FRMD5: variants seen among roughly 807,000 people sequenced by gnomAD.
The protein encoded by FRMD5 is FERM domain-containing protein 5.
In FRMD5, 20 loss-of-function variants were observed where a neutral mutation model predicts 69.0. That is an observed-to-expected ratio of 0.29 (90% CI 0.20 to 0.42). The LOEUF (loss-of-function observed/expected upper bound fraction) is 0.42, where lower values mean the gene tolerates loss of function less well. Among genes scored for constraint, FRMD5 ranks in the 10% least tolerant of loss-of-function variants. The pLI is 1.00. For synonymous variants in FRMD5, 271 were observed against 260.1 expected, an observed-to-expected ratio of 1.04 and a Z score of -0.40; for missense variants, 595 against 708.6, an observed-to-expected ratio of 0.84 and a Z score of 1.82.
intron 1 of FRMD5, among the ~76,000 whole-genome samples, chr15:43,930,478 T>C (rs2089655577): frequency 6.6e-6 from 1 of 152,194 alleles, no homozygotes; most frequent in Non-Finnish European, 1.5e-5. Flanking sequence ...TAGACTACAA[T>C]GCCAGGAGGC....
At chr15:44,140,078 T>C (rs1188800765) in intron 1 of FRMD5, among the ~76,000 whole-genome samples, 1 of 152,052 alleles carries the variant, frequency 6.6e-6, no homozygotes. Context: ...TACATATATG[T>C]GTGTATACAT....
At chr15:44,187,425 T>C (rs1382431701) in intron 1 of FRMD5, among the ~76,000 whole-genome samples, 2 of 152,220 alleles carry the variant, frequency 1.3e-5, no homozygotes, top group South Asian at 2.1e-4. Flanking sequence ...TTGACTCAAC[T>C]ATACCAGAGT....
At chr15:43,907,405 T>G (rs756247402) in intron 5 of FRMD5, among the ~76,000 whole-genome samples, 4 of 152,170 alleles carry the variant, frequency 2.6e-5, no homozygotes, top group Admixed American at 6.5e-5. Context: ...AGGGTCTCAC[T>G]GTCATGCACG....
chr15:44,090,719 C>T (rs1231075217), intron 1 of FRMD5, among the ~76,000 whole-genome samples: 8 of 152,262 alleles, frequency 5.3e-5, no homozygotes, highest in Non-Finnish European at 1.0e-4. Context: ...GGATTATAGG[C>T]GTGAGCCACT....
intron 1 of FRMD5, among the ~76,000 whole-genome samples, chr15:44,088,486 G>T (rs1294503981): frequency 6.6e-6 from 1 of 152,134 alleles, no homozygotes; most frequent in Admixed American, 6.6e-5. Context: ...TTAGAAAAGA[G>T]AAATGATGCC....
Position 43,871,483 on chromosome 15 carries a change from A to G in FRMD5, c.*2402T>C, listed in dbSNP as rs919163278. Reference sequence around the variant, plus strand: ...GCACTACACTAAAAGGTAATCTTCTATGTTGCATAAGACAGTAGATACCAG... The same window carrying G: ...GCACTACACTAAAAGGTAATCTTCTGTGTTGCATAAGACAGTAGATACCAG... On this transcript the variant is annotated 3_prime_UTR_variant, in exon 14 of 14. Transcript: ENST00000417257. 2.6e-5 allele frequency: 4 copies of G among 152,218 alleles called. No homozygotes were observed. Among genetic ancestry groups the G allele is most frequent in the East Asian group, 1.9e-4 (1 of 5,200 alleles). 9.4% of individuals were successfully genotyped at this position (152,218 alleles called of 1,614,324 possible). A position where few individuals can be genotyped will look rare whatever the true frequency, so the allele number is the denominator to read the frequency against.
rs1215279312 is a variant in FRMD5 at position 43,871,523 on chromosome 15, CCT to C, written c.*2360_*2361del. ...GTAGATACCAGGTGGACACCAGCCC[CCT>C]GTCTCCTGACAGCCTTTTCATCTCT... On this transcript the variant is annotated 3_prime_UTR_variant, in exon 14 of 14. Transcript: ENST00000417257. 6 of 152,352 alleles carry C rather than the reference CCT, an allele frequency of 3.9e-5. No homozygotes were observed. Among genetic ancestry groups the C allele is most frequent in the Non-Finnish European group, 5.9e-5 (4 of 68,044 alleles). The allele number at this position is 152,352 out of a possible 1,614,324, so 9.4% of individuals were successfully genotyped here.
chr15:44,135,707 C>G (rs1435425418), intron 1 of FRMD5, among the ~76,000 whole-genome samples: 1 of 151,740 alleles, frequency 6.6e-6, no homozygotes, highest in African/African-American at 2.4e-5. Flanking sequence ...CACCTGTAGT[C>G]CCAGCTACTC....
At chr15:44,076,565 T>C (rs181108116) in intron 1 of FRMD5, among the ~76,000 whole-genome samples, 28 of 147,214 alleles carry the variant, frequency 1.9e-4, no homozygotes, top group Non-Finnish European at 3.0e-4. Context: ...TAGGTGGGAA[T>C]TGAACTATGA....
chr15:44,070,513 C>T (rs1595691722), intron 1 of FRMD5, among the ~76,000 whole-genome samples: 1 of 152,154 alleles, frequency 6.6e-6, no homozygotes, highest in East Asian at 1.9e-4. Flanking sequence ...GCAAAACTAC[C>T]TCCAGATTTG....
chr15:44,121,909 C>T (rs1595488989), intron 1 of FRMD5, among the ~76,000 whole-genome samples: 1 of 148,070 alleles, frequency 6.8e-6, no homozygotes, highest in Non-Finnish European at 1.5e-5. Context: ...ACAGGAGAAT[C>T]GCTTGAACCT....
chr15:44,060,898 T>C lies in FRMD5; in HGVS notation c.102+134055A>G, dbSNP rs146143550. On this transcript the variant is annotated intron_variant, in intron 1 of 13. Coordinates refer to ENST00000417257, the MANE Select transcript of FRMD5 (RefSeq NM_032892.5). ...GCAAACATTTTATATCCCTTAAAAA[T>C]ATATAGGCTCAGTGAACAGGAGGAA... Among the ~76,000 whole-genome samples the C allele has an allele frequency of 3.2e-4, 49 of 152,294 alleles. 1 individual carries two copies. The highest frequency in any genetic ancestry group is 1.2e-3 in the African/African-American group (49 of 41,566).
At chr15:43,970,739 C>T (rs1321377647) in intron 1 of FRMD5, among the ~76,000 whole-genome samples, 1 of 152,194 alleles carries the variant, frequency 6.6e-6, no homozygotes, top group Non-Finnish European at 1.5e-5. Flanking sequence ...AGGCGTGAGC[C>T]ACCGTACCTG....
intron 1 of FRMD5, among the ~76,000 whole-genome samples, chr15:44,136,292 G>A (rs1406671831): frequency 6.6e-6 from 1 of 152,166 alleles, no homozygotes; most frequent in Non-Finnish European, 1.5e-5. Context: ...CCAAAGTGCT[G>A]AGATTACAGG....
chr15:43,901,806 A>G (rs1468086939), intron 7 of FRMD5: 1 of 220,222 alleles, frequency 4.5e-6, no homozygotes, highest in Non-Finnish European at 9.0e-6. Flanking sequence ...CCACTCTCGG[A>G]AAGAAACTAG....
intron 1 of FRMD5, among the ~76,000 whole-genome samples, chr15:43,925,093 C>T (rs1282817609): frequency 6.6e-6 from 1 of 151,738 alleles, no homozygotes; most frequent in East Asian, 1.9e-4. Context: ...CAACCTCCAC[C>T]ACCTGGGTTC....
chr15:44,040,672 A>G (rs1892146626), intron 1 of FRMD5, among the ~76,000 whole-genome samples: 1 of 152,162 alleles, frequency 6.6e-6, no homozygotes. Flanking sequence ...GAAACACTAA[A>G]CATGGAAAGG....
intron 1 of FRMD5, among the ~76,000 whole-genome samples, chr15:43,940,146 C>T (rs76318915): frequency 0.049 from 7,398 of 152,118 alleles, 530 homozygotes; most frequent in African/African-American, 0.16. Context: ...CACTGCACTC[C>T]GGAGCCTGGG....
intron 1 of FRMD5, among the ~76,000 whole-genome samples, chr15:44,079,728 GGATA>G (rs1893920118): frequency 6.6e-6 from 1 of 151,962 alleles, no homozygotes; most frequent in Non-Finnish European, 1.5e-5. Flanking sequence ...ATTGACTGAT[GGATA>G]AACAAAATGT....
Sources: gnomAD v4.1 joint callset for allele counts (sites outside exome capture counted in the v4.1 genomes callset) on GRCh38, gnomAD v4.1.1 for gene constraint, MANE v1.5 for transcripts, NCBI Gene and HGNC (gene_info 2026-07-23, HGNC 2026-07-21) for gene names.